SNTG1: variants seen among roughly 807,000 people sequenced by gnomAD.
The protein encoded by SNTG1 is syntrophin gamma 1.
SNTG1 carries 39 observed loss-of-function variants against 74.7 expected under a neutral mutation model. The ratio of observed to expected loss-of-function variants is 0.52; its 90% CI spans 0.40 to 0.68. The LOEUF is 0.68. Ranked by LOEUF, SNTG1 falls within the 30% of genes least tolerant of loss-of-function variation. The pLI is 0.00. For missense variants in SNTG1, 685 were observed against 609.5 expected, an observed-to-expected ratio of 1.12 and a Z score of -1.30; for synonymous variants, 254 against 217.1, an observed-to-expected ratio of 1.17 and a Z score of -1.49.
At chr8:50,700,029 T>G (rs2095418168) in intron 15 of SNTG1, among the ~76,000 whole-genome samples, 1 of 152,118 alleles carries the variant, frequency 6.6e-6, no homozygotes, top group African/African-American at 2.4e-5. Flanking sequence ...AGAGAGGAGA[T>G]TCAAATCAAG....
chr8:50,467,095 AG>A (rs2093614540), intron 8 of SNTG1, among the ~76,000 whole-genome samples: 1 of 151,928 alleles, frequency 6.6e-6, no homozygotes. Flanking sequence ...CAATCATTGT[AG>A]CTATATTCAT....
At chr8:50,040,174 T>C (rs1396906579) in intron 1 of SNTG1, among the ~76,000 whole-genome samples, 1 of 152,184 alleles carries the variant, frequency 6.6e-6, no homozygotes, top group Non-Finnish European at 1.5e-5. Context: ...TGGCGGTCGC[T>C]GGTTGTTGGC....
At chr8:50,330,718 G>A (rs1357163077) in intron 2 of SNTG1, among the ~76,000 whole-genome samples, 1 of 152,156 alleles carries the variant, frequency 6.6e-6, no homozygotes, top group African/African-American at 2.4e-5. Flanking sequence ...GAGGCCTCAG[G>A]AAACTTACAA....
chr8:49,956,074 C>T (rs969691048), intron 1 of SNTG1, among the ~76,000 whole-genome samples: 5 of 152,214 alleles, frequency 3.3e-5, no homozygotes, highest in African/African-American at 9.7e-5. Flanking sequence ...GTGTTACATA[C>T]ATCAATTGCT....
intron 8 of SNTG1, 54 bp from the exon 9 acceptor site, chr8:50,502,724 C>T: frequency 1.4e-6 from 2 of 1,427,266 alleles, no homozygotes; most frequent in Admixed American, 1.8e-5. Context: ...GCTTTGCCAT[C>T]ATATAACATG....
chr8:50,449,277 C>G (rs2093433816), intron 5 of SNTG1, among the ~76,000 whole-genome samples: 1 of 152,160 alleles, frequency 6.6e-6, no homozygotes, highest in East Asian at 1.9e-4. Flanking sequence ...CGGGTCACTG[C>G]ACCACCAAAA....
intron 2 of SNTG1, among the ~76,000 whole-genome samples, chr8:50,266,685 T>C (rs1033455097): frequency 2.8e-5 from 2 of 72,650 alleles, no homozygotes; most frequent in African/African-American, 8.0e-5. Context: ...TGTGTGTGTG[T>C]ATATATATAT....
intron 1 of SNTG1, among the ~76,000 whole-genome samples, chr8:49,975,378 G>A (rs1423484932): frequency 6.6e-6 from 1 of 152,080 alleles, no homozygotes; most frequent in Non-Finnish European, 1.5e-5. Flanking sequence ...TATGCTTGTT[G>A]ATGTTGGTGA....
chr8:50,409,355 A>G (rs1455887567), intron 4 of SNTG1, among the ~76,000 whole-genome samples: 1 of 152,196 alleles, frequency 6.6e-6, no homozygotes, highest in Non-Finnish European at 1.5e-5. Flanking sequence ...GCCTTTTATT[A>G]ACTACTTTTG....
intron 13 of SNTG1, among the ~76,000 whole-genome samples, chr8:50,632,978 A>G (rs940231412): frequency 1.3e-5 from 2 of 152,228 alleles, no homozygotes; most frequent in African/African-American, 2.4e-5. Flanking sequence ...TTCATGGCCT[A>G]TAACAATTTG....
chr8:49,984,448 G>A (rs1017960065), intron 1 of SNTG1, among the ~76,000 whole-genome samples: 7 of 151,950 alleles, frequency 4.6e-5, no homozygotes, highest in African/African-American at 1.5e-4. Flanking sequence ...CAGGTAATCC[G>A]CCCACCTCGG....
At chr8:50,346,499 A>G (rs1587243494) in intron 2 of SNTG1, among the ~76,000 whole-genome samples, 1 of 152,326 alleles carries the variant, frequency 6.6e-6, no homozygotes, top group East Asian at 1.9e-4. Context: ...AAGCCAATTA[A>G]TAACTCCACA....
intron 2 of SNTG1, among the ~76,000 whole-genome samples, chr8:50,338,374 A>G (rs1275813992): frequency 6.6e-6 from 1 of 152,138 alleles, no homozygotes; most frequent in East Asian, 1.9e-4. Context: ...CTGGCTTTCA[A>G]TAAAAACCCA....
At chr8:50,088,754 G>C (rs1484283650) in intron 1 of SNTG1, among the ~76,000 whole-genome samples, 22 of 148,630 alleles carry the variant, frequency 1.5e-4, no homozygotes, top group African/African-American at 5.4e-4. Flanking sequence ...GGAAATAACA[G>C]AGGATACAAA....
At chr8:50,591,978 C>G (rs763170346) in intron 13 of SNTG1, among the ~76,000 whole-genome samples, 61 of 152,336 alleles carry the variant, frequency 4.0e-4, no homozygotes, top group Non-Finnish European at 7.2e-4. Flanking sequence ...CTGTCACCAG[C>G]AGCTTCTGCT....
rs941427607 is a variant in SNTG1, at chr8:50,070,665, T to G, written c.-102-101896T>G. Among the ~76,000 whole-genome samples, 6 of 152,248 alleles carry G rather than the reference T, an allele frequency of 3.9e-5. 1 individual carries two copies. Among genetic ancestry groups the G allele is most frequent in the Admixed American group, 3.9e-4 (6 of 15,290 alleles). On this transcript the variant is annotated intron_variant, in intron 1 of 18. Transcript: ENST00000642720. Reference sequence around the variant, plus strand: ...AAAAGAAATGATTTCAATTCCATTCTGCAAAGCAAAATTGAGTTTCCTGGT... The same window carrying G: ...AAAAGAAATGATTTCAATTCCATTCGGCAAAGCAAAATTGAGTTTCCTGGT...
intron 1 of SNTG1, among the ~76,000 whole-genome samples, chr8:50,017,261 C>T (rs1260545465): frequency 6.6e-6 from 1 of 151,518 alleles, no homozygotes; most frequent in East Asian, 1.9e-4. Flanking sequence ...TATTTGATAG[C>T]TTAACAAAAA....
At chr8:49,966,457 C>T (rs1158920666) in intron 1 of SNTG1, among the ~76,000 whole-genome samples, 2 of 150,912 alleles carry the variant, frequency 1.3e-5, no homozygotes, top group Non-Finnish European at 2.9e-5. Flanking sequence ...TGCAGTGGTG[C>T]AATCTCTGCT....
intron 3 of SNTG1, among the ~76,000 whole-genome samples, 173 bp from the exon 4 acceptor site, chr8:50,402,037 C>G (rs1002227713): frequency 6.6e-6 from 1 of 152,152 alleles, no homozygotes; most frequent in Non-Finnish European, 1.5e-5. Context: ...TGAGATCATT[C>G]TCCTTTTTTT....
Sources: gnomAD v4.1 joint callset for allele counts (sites outside exome capture counted in the v4.1 genomes callset) on GRCh38, gnomAD v4.1.1 for gene constraint, MANE v1.5 for transcripts, NCBI Gene and HGNC (gene_info 2026-07-23, HGNC 2026-07-21) for gene names.